Variants in NDUFS3 observed in about 807,000 individuals in gnomAD.
NDUFS3 encodes the protein NADH:ubiquinone oxidoreductase core subunit S3.
A neutral mutation model predicts 30.8 loss-of-function variants in NDUFS3; 19 were observed. That is an observed-to-expected ratio of 0.62 (90% CI 0.43 to 0.91). The LOEUF (loss-of-function observed/expected upper bound fraction) is 0.91. NDUFS3 is among the 40% of genes least tolerant of loss of function. The pLI is 0.00. For synonymous variants in NDUFS3, 153 were observed against 135.8 expected, an observed-to-expected ratio of 1.13 and a Z score of -0.88; for missense variants, 331 against 342.0, an observed-to-expected ratio of 0.97 and a Z score of 0.25.
chr11:47,580,198 GCT>G (rs2097267706), intron 2 of NDUFS3, among the ~76,000 whole-genome samples: 1 of 152,192 alleles, frequency 6.6e-6, no homozygotes, highest in East Asian at 1.9e-4. Context: ...TCCTCAAACA[GCT>G]CTTAGTCTGA....
chr11:47,580,016 CA>C (rs2097267411), intron 2 of NDUFS3, among the ~76,000 whole-genome samples: 2 of 124,036 alleles, frequency 1.6e-5, no homozygotes, highest in African/African-American at 3.3e-5. Context: ...CACACACACA[CA>C]CACACACACA....
Position 47,582,642 on chromosome 11 carries a change from C to T in NDUFS3, c.627+174C>T, listed in dbSNP as rs111667618. On this transcript the variant is annotated intron_variant, in intron 6 of 6. Transcript: ENST00000263774. Reference sequence around the variant, plus strand: ...ACCTGGGGCAAGTTACTTGGTTTGACTGTAACTCAGTTTTCTCATCTTAAA... The same window carrying T: ...ACCTGGGGCAAGTTACTTGGTTTGATTGTAACTCAGTTTTCTCATCTTAAA... 6.0e-3 allele frequency among the ~76,000 whole-genome samples: 921 copies of T among 152,274 alleles called. 12 individuals are homozygous for T. The highest frequency in any genetic ancestry group is 0.021 in the African/African-American group (852 of 41,560).
chr11:47,579,329 C>G lies in NDUFS3; in HGVS notation c.128C>G (p.Thr43Arg), dbSNP rs2097266625. 1 of 1,613,804 alleles carries G rather than the reference C, an allele frequency of 6.2e-7. No homozygotes were observed. Among genetic ancestry groups the G allele is most frequent in the South Asian group, 1.1e-5 (1 of 91,078 alleles). Residue 43 changes from threonine (T) to arginine (R), a missense_variant, in exon 2 of 7, where the codon ACG (threonine) becomes AGG (arginine). By Grantham distance (71) the Thr-to-Arg change is moderately conservative (BLOSUM62 -1). Transcript: ENST00000263774. Reference sequence around the variant, plus strand: ...AGGCGGGAGAGCGCCGGGGCCGACACGCGCCGTGAGTATGTGCGGGCAGCG... The same window carrying G: ...AGGCGGGAGAGCGCCGGGGCCGACAGGCGCCGTGAGTATGTGCGGGCAGCG... ...PVRRESAGADTRPTVRPRNDV... is the reference protein window; with the variant it reads ...PVRRESAGADRRPTVRPRNDV...
At chr11:47,581,327 G>A (rs75422278) in intron 4 of NDUFS3, 36,461 of 326,660 alleles carry the variant, frequency 0.11, 2,326 homozygotes, top group Non-Finnish European at 0.14. Context: ...CTAATTTTTT[G>A]TATTTTTTTA....
At chr11:47,580,504 A>C in intron 2 of NDUFS3, 21 bp from the exon 3 acceptor site, 1 of 1,612,862 alleles carries the variant, frequency 6.2e-7, no homozygotes, top group Non-Finnish European at 8.5e-7. Flanking sequence ...TTTCTTTTTT[A>C]AATATGCCTT....
chr11:47,584,415 A>C lies in NDUFS3; in HGVS notation c.729A>C (p.Pro243=). ...TGAACAGCCCCTGGGAGGCTTTCCC[A>C]GTCTATCGCCAACCCCCGGAGAGTC... The part of the protein sequence containing the change: ...FDLNSPWEAF[P]VYRQPPESLK... The change falls in exon 7 of 7, where the codon CCA becomes CCC. Residue 243 remains proline (P), a synonymous_variant. Transcript: ENST00000263774. 6.2e-7 allele frequency: 1 copy of C among 1,614,154 alleles called. No individual in the cohort carries two copies.
chr11:47,582,167 A>C lies in NDUFS3; in HGVS notation c.461A>C (p.Glu154Ala), dbSNP rs774019045. 6.2e-7 allele frequency: 1 copy of C among 1,614,164 alleles called. No homozygotes were observed. The highest frequency in any genetic ancestry group is 8.5e-7 in the Non-Finnish European group (1 of 1,180,030). ...KTYTDELTPI[E>A]SAVSVFKAAN... ...TACACAGATGAGCTGACGCCCATTG[A>C]GTCTGCTGTCTCTGTGTTCAAGGCA... The change falls in exon 5 of 7, where the codon GAG becomes GCG. Residue 154 changes from glutamate (E) to alanine (A), a missense_variant. Physicochemically the swap from Glu to Ala is moderately radical, Grantham distance 107 (BLOSUM62 -1). Coordinates refer to ENST00000263774, the MANE Select transcript of NDUFS3 (RefSeq NM_004551.3).
At chr11:47,581,624 T>G (rs973400383) in intron 4 of NDUFS3, 5 of 259,636 alleles carry the variant, frequency 1.9e-5, no homozygotes, top group Non-Finnish European at 3.0e-5. Context: ...ATCTACTGTT[T>G]GCCAGACTCT....
chr11:47,579,371 CGGCGG>C, intron 2 of NDUFS3, 37 bp downstream of exon 2: 1 of 1,611,234 alleles, frequency 6.2e-7, no homozygotes. Flanking sequence ...TCTGAACTAT[CGGCGG>C]GGCCCCTTAG....
chr11:47,579,241 C>A (rs2097266492), intron 1 of NDUFS3, 28 bp from the exon 2 acceptor site: 1 of 1,614,118 alleles, frequency 6.2e-7, no homozygotes, highest in African/African-American at 1.3e-5. Flanking sequence ...TCATCCCGCG[C>A]GTCTGTGCCT....
At chr11:47,581,081 T>G in intron 4 of NDUFS3, 97 bp downstream of exon 4, 1 of 1,433,914 alleles carries the variant, frequency 7.0e-7, no homozygotes, top group Non-Finnish European at 9.8e-7. Context: ...AACTTCAGAG[T>G]CAAGTAGATC....
At chr11:47,580,644 T>G in intron 3 of NDUFS3, 22 bp downstream of exon 3, 2 of 1,611,692 alleles carry the variant, frequency 1.2e-6, no homozygotes, top group Non-Finnish European at 1.7e-6. Flanking sequence ...TAATGTTATT[T>G]GGGTCTGGGT....
At chr11:47,581,853 C>A in intron 4 of NDUFS3, 1 of 562,286 alleles carries the variant, frequency 1.8e-6, no homozygotes, top group East Asian at 3.3e-5. Flanking sequence ...AGTAGGAGAC[C>A]AGGTAGCCTT....
chr11:47,581,942 G>A (rs1181987325), intron 4 of NDUFS3, 146 bp from the exon 5 acceptor site: 1 of 1,064,404 alleles, frequency 9.4e-7, no homozygotes, highest in Non-Finnish European at 1.5e-6. Context: ...CTAAGCTACA[G>A]CTGTGGCCTG....
intron 6 of NDUFS3, among the ~76,000 whole-genome samples, chr11:47,583,452 C>T (rs1270771646): frequency 1.3e-5 from 2 of 152,056 alleles, no homozygotes; most frequent in Non-Finnish European, 2.9e-5. Flanking sequence ...TTTACCCTGC[C>T]CTGACTCTCT....
At position 47,581,974 on chromosome 11, in the gene NDUFS3, G is replaced by T. The variant is rs1018173328; in HGVS notation, c.382-114G>T. 49 of 1,409,210 alleles carry T rather than the reference G, an allele frequency of 3.5e-5. No homozygotes were observed. The Admixed American group carries it at 8.2e-4, about 24-fold the overall frequency. The allele number at this position is 1,409,210 out of a possible 1,614,324, so 87.3% of individuals were successfully genotyped here. ...CCTGGGCCTTTGGAAGTAGTTGTAA[G>T]CATAGGAGAATCTTGAGGTTTTGAG... On this transcript the variant is annotated intron_variant, in intron 4 of 6. Transcript: ENST00000263774.
Position 47,579,442 on chromosome 11 carries a change from G to T in NDUFS3, c.133+108G>T, listed in dbSNP as rs1018767492. Reference sequence around the variant, plus strand: ...CTACGTCCTCCTGGCAAATCTTGGAGATCTGACTTGCAGTGGTCTTCACCC... The same window carrying T: ...CTACGTCCTCCTGGCAAATCTTGGATATCTGACTTGCAGTGGTCTTCACCC... On this transcript the variant is annotated intron_variant, in intron 2 of 6. Transcript: ENST00000263774. 9 of 1,413,274 alleles carry T rather than the reference G, an allele frequency of 6.4e-6. No individual in the cohort carries two copies. The African/African-American group carries it at 8.4e-5, about 13-fold the overall frequency. The allele number at this position is 1,413,274 out of a possible 1,614,324, so 87.5% of individuals were successfully genotyped here. A position where few individuals can be genotyped will look rare whatever the true frequency, so the allele number is the denominator to read the frequency against.
chr11:47,579,395 C>G, intron 2 of NDUFS3, 61 bp downstream of exon 2: 1 of 1,600,086 alleles, frequency 6.2e-7, no homozygotes, highest in Non-Finnish European at 8.5e-7. Flanking sequence ...AGATGCCTGT[C>G]CTTGCCCTAG....
chr11:47,583,137 C>T (rs1277690081), intron 6 of NDUFS3, among the ~76,000 whole-genome samples: 2 of 151,956 alleles, frequency 1.3e-5, no homozygotes, highest in African/African-American at 2.4e-5. Flanking sequence ...CAGTCTTGAC[C>T]GCCCAGGCTC....
Sources: gnomAD v4.1 joint callset for allele counts (sites outside exome capture counted in the v4.1 genomes callset) on GRCh38, gnomAD v4.1.1 for gene constraint, MANE v1.5 for transcripts, NCBI Gene and HGNC (gene_info 2026-07-23, HGNC 2026-07-21) for gene names.